Variants in SHROOM3 observed in about 807,000 individuals in gnomAD.
SHROOM3 encodes the protein shroom family member 3.
Under a neutral mutation model 138.6 loss-of-function variants are expected in SHROOM3, and 47 were observed. The ratio of observed to expected loss-of-function variants is 0.34; its 90% confidence interval spans 0.27 to 0.43. SHROOM3 has a LOEUF of 0.43. Ranked by LOEUF, SHROOM3 falls within the 20% of genes least tolerant of loss-of-function variation. The probability of loss-of-function intolerance (pLI) is 1.00; values close to 1 mark genes in which losing one functional copy is unlikely to be tolerated. For synonymous variants in SHROOM3, 1,062 were observed against 1,063.3 expected (o/e 1.00, Z 0.02); for missense variants, 2,491 against 2,596.5 (o/e 0.96, Z 0.88).
chr4:76,482,373 A>G (rs1441950234), intron 1 of SHROOM3, among the ~76,000 whole-genome samples: 1 of 152,206 alleles, frequency 6.6e-6, no homozygotes, highest in Non-Finnish European at 1.5e-5. Flanking sequence ...AGACAAACAG[A>G]GAGCCAAATC....
chr4:76,663,023 G>T (rs1718582806), intron 2 of SHROOM3, among the ~76,000 whole-genome samples: 1 of 152,202 alleles, frequency 6.6e-6, no homozygotes, highest in African/African-American at 2.4e-5. Context: ...CTAGAACATT[G>T]TCTACTACAC....
chr4:76,669,789 T>G (rs1183085461), intron 2 of SHROOM3, among the ~76,000 whole-genome samples: 1 of 152,222 alleles, frequency 6.6e-6, no homozygotes, highest in Non-Finnish European at 1.5e-5. Context: ...GAGAATTGCT[T>G]TTATTATGCC....
chr4:76,741,457 G>T lies in SHROOM3; in HGVS notation c.3284G>T (p.Gly1095Val). Residue 1095 changes from glycine (G) to valine (V), a missense_variant, in exon 5 of 11, where the codon GGC becomes GTC. Gly to Val is a moderately radical substitution (Grantham distance 109, BLOSUM62 -3). Coordinates refer to ENST00000296043, the MANE Select transcript of SHROOM3 (RefSeq NM_020859.4). The surrounding 1 kb of genome is among the most constrained non-coding windows in gnomAD (Gnocchi z 6.2). ...ALADYIQRKT[G>V]KRPTSAAGCS... ...GCGGACTACATCCAGCGCAAGACCG[G>T]CAAGCGGCCTACCTCCGCCGCCGGC... The T allele has an allele frequency of 6.3e-7, 1 of 1,575,798 alleles. No individual in the cohort carries two copies. The highest frequency in any genetic ancestry group is 8.6e-7 in the Non-Finnish European group (1 of 1,163,388).
At chr4:76,636,589 TC>T (rs1735501676) in intron 2 of SHROOM3, among the ~76,000 whole-genome samples, 1 of 152,258 alleles carries the variant, frequency 6.6e-6, no homozygotes, top group African/African-American at 2.4e-5. Context: ...AAAATTGATT[TC>T]CAGCTGGGGT....
intron 1 of SHROOM3, among the ~76,000 whole-genome samples, chr4:76,470,963 C>G (rs760414371): frequency 6.6e-6 from 1 of 152,012 alleles, no homozygotes; most frequent in Non-Finnish European, 1.5e-5. Flanking sequence ...TTAATCATAC[C>G]CCCATTAAAA....
chr4:76,661,631 T>C (rs540995859), intron 2 of SHROOM3, among the ~76,000 whole-genome samples: 7 of 152,312 alleles, frequency 4.6e-5, no homozygotes, highest in Admixed American at 2.0e-4. Context: ...TATTTCACCA[T>C]AGATTAGTTT....
chr4:76,639,407 G>C lies in SHROOM3; in HGVS notation c.324-70749G>C, dbSNP rs377175365. 126 of 394,316 alleles carry C rather than the reference G, an allele frequency of 3.2e-4. 1 individual carries two copies. The highest frequency in any genetic ancestry group is 2.4e-3 in the African/African-American group (117 of 48,624). The allele number at this position is 394,316 out of a possible 1,614,324, so 24.4% of individuals were successfully genotyped here. A position where few individuals can be genotyped will look rare whatever the true frequency, so the allele number is the denominator to read the frequency against. On this transcript the variant is annotated intron_variant, in intron 2 of 10. Transcript: ENST00000296043. The stretch of plus-strand genomic sequence containing the variant: ...AGGTCTATTGCTGCAAATTGGTGGT[G>C]AGGCAAGTTGGCTGGGAGGTGCACC...
chr4:76,776,207 C>A (rs1722563943), intron 10 of SHROOM3, among the ~76,000 whole-genome samples: 1 of 152,080 alleles, frequency 6.6e-6, no homozygotes, highest in Non-Finnish European at 1.5e-5. Context: ...ATTTGCATTT[C>A]CCTGATAGAA....
At chr4:76,455,722 T>A (rs964083664) in intron 1 of SHROOM3, among the ~76,000 whole-genome samples, 1 of 152,174 alleles carries the variant, frequency 6.6e-6, no homozygotes, top group South Asian at 2.1e-4. Flanking sequence ...TTTTAACCTG[T>A]AAGACTGAAA....
chr4:76,725,137 TC>T (rs1326600750), intron 3 of SHROOM3, among the ~76,000 whole-genome samples: 7 of 151,972 alleles, frequency 4.6e-5, no homozygotes, highest in Non-Finnish European at 8.8e-5. Flanking sequence ...TTGATTTGCT[TC>T]CCCCTCCCCA....
intron 2 of SHROOM3, among the ~76,000 whole-genome samples, chr4:76,635,223 C>A (rs1560573793): frequency 6.6e-6 from 1 of 152,220 alleles, no homozygotes; most frequent in Admixed American, 6.5e-5. Context: ...TTGCCTCTGA[C>A]TGTCTCCTCA....
intron 1 of SHROOM3, among the ~76,000 whole-genome samples, chr4:76,539,612 C>T (rs771821484): frequency 6.6e-6 from 1 of 152,146 alleles, no homozygotes; most frequent in African/African-American, 2.4e-5. Context: ...CTAACTTAAT[C>T]CTCGCAGCAA....
chr4:76,739,962 T>A lies in SHROOM3; in HGVS notation c.1789T>A (p.Ser597Thr), dbSNP rs1721191188. The A allele has an allele frequency of 1.2e-6, 2 of 1,614,088 alleles. No homozygotes were observed. Among genetic ancestry groups the A allele is most frequent in the Non-Finnish European group, 8.5e-7 (1 of 1,180,040 alleles). Residue 597 changes from serine (S) to threonine (T), a missense_variant, in exon 5 of 11, where the codon TCT becomes ACT. Ser to Thr is a moderately conservative substitution (Grantham distance 58, BLOSUM62 1). This residue lies in a region of SHROOM3 where 1,733 missense variants were observed against 1,661.6 expected (regional missense o/e 1.04). Transcript: ENST00000296043. ...ERKSTHSNKP[S>T]SHPHSLKCPQ... ...AAAGAGCACCCACAGTAACAAACCA[T>A]CTTCTCATCCCCACAGCCTCAAATG...
At chr4:76,555,507 C>T (rs190828807) in intron 1 of SHROOM3, 102 bp from the exon 2 acceptor site, 25 of 1,549,706 alleles carry the variant, frequency 1.6e-5, no homozygotes, top group African/African-American at 5.4e-5. Context: ...CTAGCTGGTC[C>T]GTTGGGCTCT....
At chr4:76,540,050 G>T (rs753403906) in intron 1 of SHROOM3, among the ~76,000 whole-genome samples, 2 of 152,228 alleles carry the variant, frequency 1.3e-5, no homozygotes, top group African/African-American at 2.4e-5. Flanking sequence ...GTTTCGCCAT[G>T]TTGGCCTGGC....
chr4:76,744,528 G>C (rs1721366455), intron 5 of SHROOM3, among the ~76,000 whole-genome samples: 1 of 152,132 alleles, frequency 6.6e-6, no homozygotes, highest in Non-Finnish European at 1.5e-5. Flanking sequence ...TTGTAGTTAT[G>C]ATGAGTAAAA....
intron 2 of SHROOM3, among the ~76,000 whole-genome samples, chr4:76,666,597 A>T (rs566780134): frequency 4.7e-4 from 71 of 152,254 alleles, no homozygotes; most frequent in African/African-American, 1.7e-3. Context: ...TCTTTATAAC[A>T]TTTTTTTAAA....
At chr4:76,650,416 T>C (rs1735928724) in intron 2 of SHROOM3, among the ~76,000 whole-genome samples, 1 of 152,098 alleles carries the variant, frequency 6.6e-6, no homozygotes, top group African/African-American at 2.4e-5. Flanking sequence ...TACTATACAA[T>C]CTAGCAATCC....
intron 2 of SHROOM3, among the ~76,000 whole-genome samples, chr4:76,589,477 A>AAAG (rs1734220593): frequency 6.6e-6 from 1 of 151,870 alleles, no homozygotes; most frequent in South Asian, 2.1e-4. Context: ...CATAAAAAAA[A>AAAG]AAAAAAGAAA....
Sources: gnomAD v4.1 joint callset for allele counts (sites outside exome capture counted in the v4.1 genomes callset) on GRCh38, gnomAD v4.1.1 for gene constraint, gnomAD v4.1.1 regional missense constraint, Gnocchi (gnomAD v3.1) non-coding constraint, MANE v1.5 for transcripts, NCBI Gene and HGNC (gene_info 2026-07-23, HGNC 2026-07-21) for gene names.